LRMDA: variants seen among roughly 807,000 people sequenced by gnomAD.
LRMDA encodes leucine-rich melanocyte differentiation-associated protein.
Under a neutral mutation model 29.8 loss-of-function variants are expected in LRMDA, and 18 were observed. That is an observed-to-expected ratio of 0.60 (90% CI 0.42 to 0.90). The LOEUF is 0.90. LRMDA is among the 40% of genes least tolerant of loss of function. The pLI is 0.00. For synonymous variants in LRMDA, 125 were observed against 109.4 expected (o/e 1.14, Z -0.89); for missense variants, 273 against 273.9 (o/e 1.00, Z 0.02).
chr10:76,302,907 C>T (rs1840499798), intron 5 of LRMDA, among the ~76,000 whole-genome samples: 1 of 152,172 alleles, frequency 6.6e-6, no homozygotes, highest in Non-Finnish European at 1.5e-5. Context: ...CAACAAAACC[C>T]CTTTTCTTCA....
chr10:76,024,935 T>G (rs984353627), intron 2 of LRMDA, among the ~76,000 whole-genome samples: 68 of 152,322 alleles, frequency 4.5e-4, no homozygotes, highest in African/African-American at 1.6e-3. Context: ...CCCACCAGGC[T>G]CTGCATTCCG....
chr10:76,510,067 T>A (rs1046830453), intron 6 of LRMDA, among the ~76,000 whole-genome samples: 2 of 152,086 alleles, frequency 1.3e-5, no homozygotes, highest in African/African-American at 4.8e-5. Flanking sequence ...ATTTTTGTTG[T>A]TGTTTGTTTG....
At chr10:76,315,440 C>T (rs966401613) in intron 5 of LRMDA, among the ~76,000 whole-genome samples, 1 of 152,208 alleles carries the variant, frequency 6.6e-6, no homozygotes, top group Admixed American at 6.5e-5. Flanking sequence ...CTCCTGCTCC[C>T]GGGCCTCTCC....
chr10:76,365,085 C>CACACATATAT (rs1272382582), intron 6 of LRMDA, among the ~76,000 whole-genome samples: 1 of 69,766 alleles, frequency 1.4e-5, no homozygotes, highest in Non-Finnish European at 3.5e-5. Flanking sequence ...CACACACACA[C>CACACATATAT]ATATATATAT....
chr10:75,806,793 T>G (rs530848423), intron 2 of LRMDA, among the ~76,000 whole-genome samples: 12 of 135,346 alleles, frequency 8.9e-5, no homozygotes, highest in Admixed American at 7.5e-4. Context: ...TGATTTATTT[T>G]AAACACTGGA....
In LRMDA at chr10:75,670,968, C is replaced by A. The variant is rs1344635305; in HGVS notation, c.131+232474C>A. ...CTTCTTCCCTAGAGACTACCTGGAGCTAGAATTTGATTCAAAATACCGAGG... is the reference window on the plus strand; with the variant it reads ...CTTCTTCCCTAGAGACTACCTGGAGATAGAATTTGATTCAAAATACCGAGG... On this transcript the variant is annotated intron_variant, in intron 2 of 6. Coordinates refer to ENST00000611255, the MANE Select transcript of LRMDA (RefSeq NM_001305581.2). Among the ~76,000 whole-genome samples, 3 of 152,122 alleles carry A rather than the reference C, an allele frequency of 2.0e-5. No homozygotes were observed. The South Asian group carries it at 6.2e-4, about 32-fold the overall frequency.
At chr10:76,244,870 G>A (rs1027514931) in intron 5 of LRMDA, among the ~76,000 whole-genome samples, 1 of 152,156 alleles carries the variant, frequency 6.6e-6, no homozygotes. Context: ...ATTCTTCTGA[G>A]GCATGAGAAC....
intron 2 of LRMDA, among the ~76,000 whole-genome samples, chr10:75,907,750 C>T (rs993539674): frequency 2.0e-5 from 3 of 152,164 alleles, no homozygotes; most frequent in African/African-American, 7.2e-5. Flanking sequence ...TTTCCAACAC[C>T]ATCGGCTCAA....
At chr10:75,888,093 C>T (rs574955307) in intron 2 of LRMDA, among the ~76,000 whole-genome samples, 6 of 152,266 alleles carry the variant, frequency 3.9e-5, no homozygotes, top group Non-Finnish European at 5.9e-5. Flanking sequence ...TGGTCACTCT[C>T]GATAAGACAC....
chr10:75,989,746 T>C (rs1847326503), intron 2 of LRMDA, among the ~76,000 whole-genome samples: 1 of 152,214 alleles, frequency 6.6e-6, no homozygotes, highest in African/African-American at 2.4e-5. Context: ...AGCCCAAAGA[T>C]AGCCAGGGGT....
intron 6 of LRMDA, among the ~76,000 whole-genome samples, chr10:76,525,220 T>A (rs1481355938): frequency 1.3e-5 from 2 of 152,216 alleles, no homozygotes; most frequent in Non-Finnish European, 2.9e-5. Context: ...AATTTGTGTT[T>A]CTAATGGGCC....
At chr10:76,378,675 G>A (rs1841550467) in intron 6 of LRMDA, among the ~76,000 whole-genome samples, 1 of 151,676 alleles carries the variant, frequency 6.6e-6, no homozygotes, top group Non-Finnish European at 1.5e-5. Flanking sequence ...CTTATGTGGT[G>A]AATCACATTT....
chr10:76,144,239 G>A (rs113695108), intron 5 of LRMDA, among the ~76,000 whole-genome samples: 2 of 152,074 alleles, frequency 1.3e-5, no homozygotes, highest in Non-Finnish European at 2.9e-5. Flanking sequence ...AAAGCCATTG[G>A]TAGCTTGATG....
At chr10:76,502,334 G>A (rs1842918606) in intron 6 of LRMDA, among the ~76,000 whole-genome samples, 1 of 151,858 alleles carries the variant, frequency 6.6e-6, no homozygotes, top group South Asian at 2.1e-4. Context: ...GATTGTTTTG[G>A]CTATTTGAGC....
intron 6 of LRMDA, among the ~76,000 whole-genome samples, chr10:76,534,132 C>A (rs1257068587): frequency 1.3e-5 from 2 of 152,180 alleles, no homozygotes; most frequent in Non-Finnish European, 2.9e-5. Context: ...GTAAAATTAA[C>A]CTTTCCATTC....
intron 2 of LRMDA, among the ~76,000 whole-genome samples, chr10:75,959,877 T>C (rs1846732793): frequency 6.6e-6 from 1 of 152,212 alleles, no homozygotes. Flanking sequence ...CATTTGGTGC[T>C]TCTGTCTAGT....
chr10:75,882,563 A>G (rs1156539316), intron 2 of LRMDA: 3 of 152,232 alleles, frequency 2.0e-5, no homozygotes, highest in South Asian at 4.1e-4. Context: ...TCTATGTAGC[A>G]TGTACACAGG....
intron 2 of LRMDA, among the ~76,000 whole-genome samples, chr10:75,489,572 C>T (rs1297838317): frequency 6.6e-6 from 1 of 152,168 alleles, no homozygotes; most frequent in Non-Finnish European, 1.5e-5. Context: ...TAGGATTGTA[C>T]GATGTCGGAG....
At chr10:76,389,897 C>G (rs912370525) in intron 6 of LRMDA, among the ~76,000 whole-genome samples, 1 of 152,132 alleles carries the variant, frequency 6.6e-6, no homozygotes, top group Non-Finnish European at 1.5e-5. Context: ...TGGGCTGCTT[C>G]TGCCTTTTAT....
Sources: gnomAD v4.1 joint callset for allele counts (sites outside exome capture counted in the v4.1 genomes callset) on GRCh38, gnomAD v4.1.1 for gene constraint, MANE v1.5 for transcripts, NCBI Gene and HGNC (gene_info 2026-07-23, HGNC 2026-07-21) for gene names.